Variants in ZNF235 observed in about 807,000 individuals in gnomAD.
ZNF235 encodes zfp-93.
In ZNF235, 25 loss-of-function variants were observed where a neutral mutation model predicts 29.4. The observed-to-expected ratio is 0.85, with a 90% confidence interval of 0.62 to 1.19. The LOEUF is 1.19. ZNF235 is among the 50% of genes most tolerant of loss of function. The probability of loss-of-function intolerance (pLI) is 0.00; values close to 1 mark genes in which losing one functional copy is unlikely to be tolerated. For missense variants in ZNF235, 788 were observed against 885.0 expected (o/e 0.89, Z 1.39); for synonymous variants, 300 against 295.3 (o/e 1.02, Z -0.16).
At chr19:44,292,700 T>C (rs936207521) in intron 4 of ZNF235, among the ~76,000 whole-genome samples, 4 of 151,974 alleles carry the variant, frequency 2.6e-5, no homozygotes, top group Admixed American at 1.3e-4. Flanking sequence ...AAAACTTCCT[T>C]AATCTAGCAA....
chr19:44,287,558 G>C lies in ZNF235; in HGVS notation c.1877C>G (p.Pro626Arg). 6.2e-7 allele frequency: 1 copy of C among 1,614,086 alleles called. No homozygotes were observed. Among genetic ancestry groups the C allele is most frequent in the Non-Finnish European group, 8.5e-7 (1 of 1,180,020 alleles). ...CTTACCACAAGTGTCACATTTATAT[G>C]GTTTCTCTCCGGTGTGGACTCTCTG... is the stretch of plus-strand genomic sequence containing the variant. ...AHQRVHTGEKPYKCDTCGKAF... is the reference protein window; with the variant it reads ...AHQRVHTGEKRYKCDTCGKAF... Residue 626 changes from proline (P) to arginine (R), a missense_variant, in exon 5 of 5, where the codon CCA (proline) becomes CGA (arginine). Pro to Arg is a moderately radical substitution (Grantham distance 103). Coordinates refer to ENST00000291182, the MANE Select transcript of ZNF235 (RefSeq NM_004234.4).
intron 2 of ZNF235, among the ~76,000 whole-genome samples, 182 bp downstream of exon 2, chr19:44,303,206 GAT>G (rs67283809): frequency 0.38 from 55,739 of 145,118 alleles, 12,585 homozygotes; most frequent in South Asian, 0.58. Flanking sequence ...GAAATTAACA[GAT>G]ATATATATAT....
Position 44,303,390 on chromosome 19 carries a change from C to G in ZNF235, c.15G>C (p.Gln5His). 1 of 1,611,414 alleles carries G rather than the reference C, an allele frequency of 6.2e-7. No individual in the cohort carries two copies. The highest frequency in any genetic ancestry group is 8.5e-7 in the Non-Finnish European group (1 of 1,178,542). Reference sequence around the variant, plus strand: ...AAACACAAAGGCAAACCAAACTTACCTGGAACTTGGTCATTTTTCCCCTCC... The same window carrying G: ...AAACACAAAGGCAAACCAAACTTACGTGGAACTTGGTCATTTTTCCCCTCC... MTKF[Q>H]EAVTFKDVAV... is the part of the protein sequence containing the mutation. Residue 5 changes from glutamine (Q) to histidine (H), a missense_variant and splice_region_variant, in exon 2 of 5, where the codon CAG (glutamine) becomes CAC (histidine). Coordinates refer to ENST00000291182, the MANE Select transcript of ZNF235 (RefSeq NM_004234.4).
In ZNF235 at chr19:44,288,638, T is replaced by C. The variant is rs776896306; in HGVS notation, c.797A>G (p.Asn266Ser). 8 of 1,614,068 alleles carry C rather than the reference T, an allele frequency of 5.0e-6. No individual in the cohort carries two copies. Among genetic ancestry groups the C allele is most frequent in the Non-Finnish European group, 6.8e-6 (8 of 1,179,980 alleles). The change falls in exon 5 of 5, where the codon AAT (asparagine) becomes AGT (serine). Residue 266 changes from asparagine (N) to serine (S), a missense_variant. Coordinates refer to ENST00000291182, the MANE Select transcript of ZNF235 (RefSeq NM_004234.4). ...ATCATTGAAGGCTTCTTCACATTCA[T>C]TACCCTGGTAGGTTTTCTGTCCTGT... ...IHTGQKTYQGNECEEAFNDSS... is the reference protein window; with the variant it reads ...IHTGQKTYQGSECEEAFNDSS...
Position 44,288,947 on chromosome 19 carries a change from C to A in ZNF235, c.488G>T (p.Gly163Val), listed in dbSNP as rs1240695093. Residue 163 changes from glycine (G) to valine (V), a missense_variant, in exon 5 of 5, where the codon GGG becomes GTG. Transcript: ENST00000291182. ...ATTTTCAATGATACTGGAATGATCCCCTATGTGATTCACTAGACAGTTGTC... is the reference window on the plus strand; with the variant it reads ...ATTTTCAATGATACTGGAATGATCCACTATGTGATTCACTAGACAGTTGTC... ...VDDNCLVNHI[G>V]DHSSIIENQE... 1.9e-6 allele frequency: 3 copies of A among 1,613,896 alleles called. No homozygotes were observed. Among genetic ancestry groups the A allele is most frequent in the South Asian group, 2.2e-5 (2 of 91,060 alleles).
intron 2 of ZNF235, among the ~76,000 whole-genome samples, chr19:44,300,065 CA>C (rs1975713573): frequency 1.3e-5 from 2 of 152,200 alleles, no homozygotes; most frequent in Admixed American, 1.3e-4. Context: ...AGCTCTGGCA[CA>C]AGTACGCAGT....
Position 44,299,651 on chromosome 19 carries a change from A to G in ZNF235, c.97T>C (p.Tyr33His), listed in dbSNP as rs575298687. ...GLLDSAQRKL[Y>H]RDVMLENFRN... is the part of the protein sequence containing the mutation. ...AAGTTCTCCAGCATCACATCTCGGTACAGCTTCCTCTGGGCAGAGTCCAGC... is the reference window on the plus strand; with the variant it reads ...AAGTTCTCCAGCATCACATCTCGGTGCAGCTTCCTCTGGGCAGAGTCCAGC... The change falls in exon 3 of 5, where the codon TAC becomes CAC. Residue 33 changes from tyrosine to histidine, a missense_variant. Physicochemically the swap from Tyr to His is moderately conservative, Grantham distance 83. Transcript: ENST00000291182. The G allele has an allele frequency of 1.2e-6, 2 of 1,614,174 alleles. No homozygotes were observed. The highest frequency in any genetic ancestry group is 3.3e-5 in the Admixed American group (2 of 60,030).
At chr19:44,289,336 T>C in intron 4 of ZNF235, 140 bp from the exon 5 acceptor site, 1 of 750,198 alleles carries the variant, frequency 1.3e-6, no homozygotes, top group Non-Finnish European at 2.0e-6. Flanking sequence ...TTATAGGAAC[T>C]CTGAAAAGCA....
chr19:44,301,055 T>G (rs1287125315), intron 2 of ZNF235, among the ~76,000 whole-genome samples: 1 of 152,148 alleles, frequency 6.6e-6, no homozygotes, highest in African/African-American at 2.4e-5. Context: ...AACAGCTATT[T>G]AATTTTTTTA....
chr19:44,301,567 T>C (rs576292635), intron 2 of ZNF235, among the ~76,000 whole-genome samples: 1 of 152,044 alleles, frequency 6.6e-6, no homozygotes, highest in Admixed American at 6.6e-5. Flanking sequence ...GCCTCCCAGG[T>C]TCAAGCAATT....
chr19:44,302,901 T>TACAA (rs1975759660), intron 2 of ZNF235, among the ~76,000 whole-genome samples: 11 of 126,758 alleles, frequency 8.7e-5, no homozygotes, highest in South Asian at 2.8e-4. Flanking sequence ...CATATTTGTA[T>TACAA]ATAAATATAT....
At chr19:44,295,290 G>A (rs1049017111) in intron 4 of ZNF235, among the ~76,000 whole-genome samples, 2 of 151,764 alleles carry the variant, frequency 1.3e-5, no homozygotes, top group African/African-American at 4.8e-5. Flanking sequence ...ATTTCTATAC[G>A]ACAATAATGA....
At chr19:44,296,998 T>C (rs761570259) in intron 4 of ZNF235, 3 of 152,142 alleles carry the variant, frequency 2.0e-5, no homozygotes, top group Admixed American at 6.5e-5. Flanking sequence ...AATCTATAGC[T>C]ATAAATGGTT....
chr19:44,287,069 C>A lies in ZNF235; in HGVS notation c.*149G>T. ...TAAAGAATTCATGTCCTAACCAAGT[C>A]TAAAACACAGCATTTGAGAGACTTC... On this transcript the variant is annotated 3_prime_UTR_variant, in exon 5 of 5. Transcript: ENST00000291182. The A allele has an allele frequency of 1.2e-6, 1 of 801,610 alleles. No homozygotes were observed. The highest frequency in any genetic ancestry group is 1.9e-6 in the Non-Finnish European group (1 of 531,654). The allele number at this position is 801,610 out of a possible 1,614,324, so 49.7% of individuals were successfully genotyped here. A position where few individuals can be genotyped will look rare whatever the true frequency, so the allele number is the denominator to read the frequency against.
chr19:44,304,052 G>C (rs1219640901), intron 1 of ZNF235, among the ~76,000 whole-genome samples: 1 of 152,126 alleles, frequency 6.6e-6, no homozygotes, highest in African/African-American at 2.4e-5. Context: ...AACTGTGATT[G>C]GTTGTCTAAC....
chr19:44,300,839 CAA>C (rs143676501), intron 2 of ZNF235, among the ~76,000 whole-genome samples: 38,444 of 94,784 alleles, frequency 0.41, 5,152 homozygotes, highest in East Asian at 0.52. Flanking sequence ...GACTCCGTCT[CAA>C]AAAAAAAAAA....
chr19:44,289,139 G>A lies in ZNF235; in HGVS notation c.296C>T (p.Ser99Leu), dbSNP rs150838134. ...TTGCCAGCATGAAAGCTCTCCCAGT[G>A]AAAAGCACCTTAATCCTGCTTTGTG... ...TLHKAGLRCF[S>L]LGELSCWQIK... The change falls in exon 5 of 5, where the codon TCA becomes TTA. Residue 99 changes from serine (S) to leucine (L), a missense_variant. Coordinates refer to ENST00000291182, the MANE Select transcript of ZNF235 (RefSeq NM_004234.4). 34 of 1,613,926 alleles carry A rather than the reference G, an allele frequency of 2.1e-5. No homozygotes were observed. The East Asian group carries it at 2.2e-4, about 11-fold the overall frequency.
chr19:44,299,773 T>A (rs765031667), intron 2 of ZNF235, 41 bp from the exon 3 acceptor site: 4 of 1,612,770 alleles, frequency 2.5e-6, no homozygotes, highest in Non-Finnish European at 3.4e-6. Context: ...TCACACCCAA[T>A]GGCCACTGGC....
In ZNF235 at chr19:44,287,018, C is replaced by T; in HGVS notation, c.*200G>A. Reference sequence around the variant, plus strand: ...GATCATATTTACAGAACAAAGTTTTCTCGCATCTGTGAAATATGACGTTTG... The same window carrying T: ...GATCATATTTACAGAACAAAGTTTTTTCGCATCTGTGAAATATGACGTTTG... On this transcript the variant is annotated 3_prime_UTR_variant, in exon 5 of 5. Transcript: ENST00000291182. 2 of 549,422 alleles carry T rather than the reference C, an allele frequency of 3.6e-6. No homozygotes were observed. The highest frequency in any genetic ancestry group is 6.8e-5 in the South Asian group (2 of 29,610). The allele number at this position is 549,422 out of a possible 1,614,324, so 34.0% of individuals were successfully genotyped here.
Sources: gnomAD v4.1 joint callset for allele counts (sites outside exome capture counted in the v4.1 genomes callset) on GRCh38, gnomAD v4.1.1 for gene constraint, MANE v1.5 for transcripts, NCBI Gene and HGNC (gene_info 2026-07-23, HGNC 2026-07-21) for gene names.